BOD1L1: variants seen among roughly 807,000 people sequenced by gnomAD.
BOD1L1 encodes biorientation of chromosomes in cell division protein 1-like 1.
In BOD1L1, 86 loss-of-function variants were observed where a neutral mutation model predicts 240.7. That is an observed-to-expected ratio of 0.36 (90% confidence interval 0.30 to 0.43). The LOEUF (loss-of-function observed/expected upper bound fraction) is 0.43. BOD1L1 is among the 20% of genes least tolerant of loss of function. BOD1L1 has a pLI of 1.00. For synonymous variants in BOD1L1, 1,268 were observed against 1,272.3 expected (o/e 1.00, Z 0.07); for missense variants, 3,554 against 3,643.5 (o/e 0.98, Z 0.63).
chr4:13,602,295 A>T lies in BOD1L1; in HGVS notation c.4605T>A (p.Ala1535=). The T allele has an allele frequency of 6.2e-7, 1 of 1,612,100 alleles. No homozygotes were observed. The highest frequency in any genetic ancestry group is 1.3e-5 in the African/African-American group (1 of 75,024). ...CTGAAGAAGTGGTTGTGGCAGGCCC[A>T]GCCTTCACTGGACTTAAGGTGACAT... ...DKDVTLSPVK[A]GPATTTSSET... The change falls in exon 10 of 26, where the codon GCT becomes GCA. Residue 1535 remains alanine, a synonymous_variant. Coordinates refer to ENST00000040738, the MANE Select transcript of BOD1L1 (RefSeq NM_148894.3).
In BOD1L1 at chr4:13,604,691, C is replaced by T. The variant is rs1715537978; in HGVS notation, c.2209G>A (p.Asp737Asn). The T allele has an allele frequency of 3.1e-6, 5 of 1,594,048 alleles. No individual in the cohort carries two copies. Among genetic ancestry groups the T allele is most frequent in the South Asian group, 1.2e-5 (1 of 85,576 alleles). The change falls in exon 10 of 26, where the codon GAC (aspartate) becomes AAC (asparagine). Residue 737 changes from aspartate to asparagine, a missense_variant. Coordinates refer to ENST00000040738, the MANE Select transcript of BOD1L1 (RefSeq NM_148894.3). ...KPEREKTPSEDKLSVKHKYKG... is the reference protein window; with the variant it reads ...KPEREKTPSENKLSVKHKYKG... ...TATTTATGTTTCACAGACAATTTGTCTTCCGATGGAGTTTTCTCTCTTTCA... is the reference window on the plus strand; with the variant it reads ...TATTTATGTTTCACAGACAATTTGTTTTCCGATGGAGTTTTCTCTCTTTCA...
chr4:13,600,077 CTT>C lies in BOD1L1; in HGVS notation c.6821_6822del (p.Gln2274ArgfsTer15). The C allele has an allele frequency of 6.2e-7, 1 of 1,613,550 alleles. No homozygotes were observed. The highest frequency in any genetic ancestry group is 8.5e-7 in the Non-Finnish European group (1 of 1,179,720). ...CEGPVSSAVP[Q>X]EEGDPSVTPA... The stretch of plus-strand genomic sequence containing the variant: ...GGTGTGACTGAGGGGTCGCCTTCCT[CTT>C]GAGGGACAGCACTGGACACTGGGCC... On this transcript the variant is annotated frameshift_variant, in exon 10 of 26. Coordinates refer to ENST00000040738, the MANE Select transcript of BOD1L1 (RefSeq NM_148894.3). LOFTEE classifies it high-confidence loss of function.
At chr4:13,588,185 CAAAAAAAAAAA>C (rs201474701) in intron 15 of BOD1L1, among the ~76,000 whole-genome samples, 1 of 76,492 alleles carries the variant, frequency 1.3e-5, no homozygotes, top group Admixed American at 1.3e-4. Context: ...GAGACTGTTT[CAAAAAAAAAAA>C]AAAAAAGAAA....
chr4:13,614,480 T>C lies in BOD1L1; in HGVS notation c.890A>G (p.His297Arg), dbSNP rs149827477. ...VEEIKNYTKE[H>R]NNLILLNKDV... is the part of the protein sequence containing the mutation. The stretch of plus-strand genomic sequence containing the variant: ...CTTATTTAGCAGAATTAAATTATTA[T>C]GCTCTTTTGTGTAATTTTTAATTTC... Residue 297 changes from histidine (H) to arginine (R), a missense_variant, in exon 4 of 26, where the codon CAT becomes CGT. Physicochemically the swap from His to Arg is conservative, Grantham distance 29. Coordinates refer to ENST00000040738, the MANE Select transcript of BOD1L1 (RefSeq NM_148894.3). 1.1e-4 allele frequency: 175 copies of C among 1,613,710 alleles called. No homozygotes were observed. The highest frequency in any genetic ancestry group is 1.4e-4 in the Non-Finnish European group (165 of 1,179,848).
intron 12 of BOD1L1, 21 bp from the exon 13 acceptor site, chr4:13,591,987 G>T: frequency 6.6e-7 from 1 of 1,520,330 alleles, no homozygotes; most frequent in Non-Finnish European, 8.9e-7. Flanking sequence ...ATAAAAATGA[G>T]ATGTAAAGAA....
intron 2 of BOD1L1, among the ~76,000 whole-genome samples, chr4:13,616,245 C>A (rs1414648640): frequency 6.6e-6 from 1 of 151,916 alleles, no homozygotes; most frequent in African/African-American, 2.4e-5. Flanking sequence ...ACAACATGTA[C>A]TATAGGAAAA....
chr4:13,599,406 A>T lies in BOD1L1; in HGVS notation c.7494T>A (p.Asn2498Lys). ...SYSAGRGLEGNANSPAHLRGP... is the reference protein window; with the variant it reads ...SYSAGRGLEGKANSPAHLRGP... Reference sequence around the variant, plus strand: ...CTCTCAGGTGGGCAGGTGAGTTAGCATTCCCCTCTAAGCCCCTTCCTGCTG... The same window carrying T: ...CTCTCAGGTGGGCAGGTGAGTTAGCTTTCCCCTCTAAGCCCCTTCCTGCTG... Residue 2498 changes from asparagine (N) to lysine (K), a missense_variant, in exon 10 of 26, where the codon AAT becomes AAA. Asn to Lys is a moderately conservative substitution (Grantham distance 94, BLOSUM62 0). Transcript: ENST00000040738. The T allele has an allele frequency of 6.2e-7, 1 of 1,613,958 alleles. No individual in the cohort carries two copies. Among genetic ancestry groups the T allele is most frequent in the Non-Finnish European group, 8.5e-7 (1 of 1,179,874 alleles).
chr4:13,610,183 T>A (rs1229709868), intron 6 of BOD1L1, among the ~76,000 whole-genome samples: 1 of 152,210 alleles, frequency 6.6e-6, no homozygotes, highest in Non-Finnish European at 1.5e-5. Context: ...TTAAAACCAA[T>A]ATACATATGT....
Position 13,601,462 on chromosome 4 carries a change from CT to C in BOD1L1, c.5437del (p.Ser1813AlafsTer6). The C allele has an allele frequency of 6.2e-7, 1 of 1,613,950 alleles. No individual in the cohort carries two copies. The highest frequency in any genetic ancestry group is 8.5e-7 in the Non-Finnish European group (1 of 1,179,914). ...PASCTGSEDS[S>X]EGFAISSESE... ...TTCAGAACTTATAGCAAAGCCTTCG[CT>C]GCTATCTTCTGAACCTGTGCAACTT... On this transcript the variant is annotated frameshift_variant, in exon 10 of 26. Coordinates refer to ENST00000040738, the MANE Select transcript of BOD1L1 (RefSeq NM_148894.3). LOFTEE classifies it high-confidence loss of function.
chr4:13,582,194 C>A, intron 19 of BOD1L1, 43 bp downstream of exon 19: 1 of 1,504,734 alleles, frequency 6.6e-7, no homozygotes, highest in African/African-American at 1.4e-5. Flanking sequence ...TTGGTTAGTG[C>A]TTAAATAATT....
In BOD1L1 at chr4:13,600,944, G is replaced by C; in HGVS notation, c.5956C>G (p.Gln1986Glu). 1 of 1,613,886 alleles carries C rather than the reference G, an allele frequency of 6.2e-7. No individual in the cohort carries two copies. Among genetic ancestry groups the C allele is most frequent in the Non-Finnish European group, 8.5e-7 (1 of 1,179,876 alleles). Residue 1986 changes from glutamine to glutamate, a missense_variant, in exon 10 of 26, where the codon CAA (glutamine) becomes GAA (glutamate). Gln to Glu is a conservative substitution (Grantham distance 29). Around this residue, in one of 2 missense-constraint regions of BOD1L1, gnomAD observed 3,393 missense variants for 3,427.1 expected, o/e 0.99. Transcript: ENST00000040738. Reference protein sequence around the residue: ...EGPMTSAASDQSDSQLEKVED... With the variant: ...EGPMTSAASDESDSQLEKVED... ...ACTTTTTCGAGCTGACTGTCACTTT[G>C]ATCAGATGCAGCACTAGTCATAGGA... is the stretch of plus-strand genomic sequence containing the variant.
intron 13 of BOD1L1, among the ~76,000 whole-genome samples, 165 bp downstream of exon 13, chr4:13,591,758 G>A (rs1714238171): frequency 6.6e-6 from 1 of 152,188 alleles, no homozygotes; most frequent in South Asian, 2.1e-4. Flanking sequence ...GAAAGCTGCT[G>A]TCAGGATGCT....
intron 1 of BOD1L1, among the ~76,000 whole-genome samples, chr4:13,621,875 T>C (rs1276044726): frequency 1.3e-5 from 2 of 151,084 alleles, no homozygotes; most frequent in African/African-American, 4.9e-5. Flanking sequence ...TCTTTTTTTT[T>C]TTTTTTTTTG....
intron 3 of BOD1L1, 66 bp from the exon 4 acceptor site, chr4:13,614,876 A>G: frequency 1.4e-6 from 2 of 1,431,406 alleles, no homozygotes; most frequent in Non-Finnish European, 1.9e-6. Flanking sequence ...CTAAATCAAT[A>G]CCACATGCCA....
intron 5 of BOD1L1, among the ~76,000 whole-genome samples, chr4:13,611,704 G>A (rs767238023): frequency 4.6e-5 from 7 of 152,182 alleles, no homozygotes; most frequent in Non-Finnish European, 1.0e-4. Context: ...GAGTTCTCTT[G>A]ACAAACAATT....
At chr4:13,623,667 G>C (rs1234172346) in intron 1 of BOD1L1, 1 of 152,232 alleles carries the variant, frequency 6.6e-6, no homozygotes, top group African/African-American at 2.4e-5. Flanking sequence ...TTGGAGGGGG[G>C]TTCTATGGTC....
rs577033753 is a variant in BOD1L1, at chr4:13,582,276, C to G, written c.8553G>C (p.Lys2851Asn). The G allele has an allele frequency of 6.2e-7, 1 of 1,613,708 alleles. No individual in the cohort carries two copies. Among genetic ancestry groups the G allele is most frequent in the East Asian group, 2.2e-5 (1 of 44,882 alleles). The change falls in exon 19 of 26, where the codon AAG (lysine) becomes AAC (asparagine). Residue 2851 changes from lysine (K) to asparagine (N), a missense_variant. Physicochemically the swap from Lys to Asn is moderately conservative, Grantham distance 94. This residue lies in a region of BOD1L1 where 3,393 missense variants were observed against 3,427.1 expected (regional missense o/e 0.99). Coordinates refer to ENST00000040738, the MANE Select transcript of BOD1L1 (RefSeq NM_148894.3). Reference protein sequence around the residue: ...EYSSSETTGEKPEQNDDDTIK... With the variant: ...EYSSSETTGENPEQNDDDTIK... ...TGGTGTCATCATCGTTCTGCTCTGG[C>G]TTTTCACCAGTAGTTTCACTGCTGC...
At chr4:13,618,199 T>C (rs1716764676) in intron 2 of BOD1L1, among the ~76,000 whole-genome samples, 1 of 152,188 alleles carries the variant, frequency 6.6e-6, no homozygotes, top group Non-Finnish European at 1.5e-5. Flanking sequence ...TAAAAGTAAA[T>C]GCAATTCTAA....
At chr4:13,612,738 G>A (rs1221151408) in intron 5 of BOD1L1, among the ~76,000 whole-genome samples, 2 of 152,188 alleles carry the variant, frequency 1.3e-5, no homozygotes, top group African/African-American at 4.8e-5. Context: ...AGGCTCTTGA[G>A]TCAAGCTAAA....
Sources: allele counts gnomAD v4.1 joint callset (sites outside exome capture counted in the v4.1 genomes callset), GRCh38; gene constraint gnomAD v4.1.1; regional missense constraint gnomAD v4.1.1; transcripts MANE v1.5; gene names NCBI Gene and HGNC (gene_info 2026-07-23, HGNC 2026-07-21).